ZMYM4: variants seen among roughly 807,000 people sequenced by gnomAD.
The protein encoded by ZMYM4 is zinc finger MYM-type containing 4.
In ZMYM4, 31 loss-of-function variants were observed where a neutral mutation model predicts 183.2. The ratio of observed to expected loss-of-function variants is 0.17; its 90% CI spans 0.13 to 0.23. The LOEUF is 0.23. Ranked by LOEUF, ZMYM4 falls within the 10% of genes least tolerant of loss-of-function variation. The probability of loss-of-function intolerance (pLI) is 1.00; values close to 1 mark genes in which losing one functional copy is unlikely to be tolerated. For missense variants in ZMYM4, 1,273 were observed against 1,840.3 expected (o/e 0.69, Z 5.64); for synonymous variants, 592 against 631.2 (o/e 0.94, Z 0.93).
chr1:35,325,022 G>T (rs1255801054), intron 1 of ZMYM4, among the ~76,000 whole-genome samples: 1 of 151,952 alleles, frequency 6.6e-6, no homozygotes, highest in African/African-American at 2.4e-5. Flanking sequence ...ATAGTTCTCG[G>T]TGTTAGTAAG....
At chr1:35,392,408 C>T in intron 16 of ZMYM4, 56 bp downstream of exon 16, 1 of 1,561,254 alleles carries the variant, frequency 6.4e-7, no homozygotes, top group Non-Finnish European at 8.7e-7. Flanking sequence ...TGCAGTGGTC[C>T]CCTAACTTCC....
At chr1:35,297,602 A>C (rs1341128921) in intron 1 of ZMYM4, among the ~76,000 whole-genome samples, 1 of 152,208 alleles carries the variant, frequency 6.6e-6, no homozygotes, top group Non-Finnish European at 1.5e-5. Flanking sequence ...GCAGAAGAGC[A>C]CTTAGAGAAT....
intron 25 of ZMYM4, 152 bp downstream of exon 25, chr1:35,405,620 A>C: frequency 1.6e-6 from 1 of 644,916 alleles, no homozygotes; most frequent in Non-Finnish European, 2.5e-6. Context: ...AGGTTGTTAT[A>C]AGGGTAAGGT....
At chr1:35,394,068 G>T (rs1644759716) in intron 18 of ZMYM4, among the ~76,000 whole-genome samples, 1 of 149,656 alleles carries the variant, frequency 6.7e-6, no homozygotes, top group African/African-American at 2.5e-5. Context: ...TTGTTTTCCA[G>T]TGTGACCTTA....
intron 1 of ZMYM4, among the ~76,000 whole-genome samples, chr1:35,274,738 G>T (rs1477482734): frequency 6.6e-6 from 1 of 151,016 alleles, no homozygotes; most frequent in Non-Finnish European, 1.5e-5. Context: ...GATAATACTT[G>T]GTATTATAAA....
chr1:35,332,542 C>T (rs748568913), intron 2 of ZMYM4, among the ~76,000 whole-genome samples: 7 of 151,732 alleles, frequency 4.6e-5, no homozygotes, highest in Non-Finnish European at 1.0e-4. Context: ...CCTAACAGGA[C>T]TCAAAGACTG....
At position 35,389,463 on chromosome 1, in the gene ZMYM4, G is replaced by A. The variant is rs1054208723; in HGVS notation, c.2436+381G>A. ...TACATGTGTTTTTTAAAAAAAATTA[G>A]TATAAAATCAGCTGGGCGCGGTGGC... is the stretch of plus-strand genomic sequence containing the variant. On this transcript the variant is annotated intron_variant, in intron 14 of 29. Transcript: ENST00000314607. This position sits in a 1 kb window ranked among gnomAD's most constrained non-coding sequence, Gnocchi z 4.0. Among the ~76,000 whole-genome samples the A allele has an allele frequency of 2.0e-5, 3 of 151,956 alleles. No individual in the cohort carries two copies. In the East Asian group the frequency reaches 5.8e-4, roughly 29 times the overall value.
intron 28 of ZMYM4, among the ~76,000 whole-genome samples, chr1:35,416,561 A>T (rs1324600644): frequency 4.0e-5 from 6 of 151,392 alleles, no homozygotes; most frequent in South Asian, 2.1e-4. Flanking sequence ...ATTGATTTTT[A>T]TTTATTTATT....
Position 35,268,979 on chromosome 1 carries a change from G to A in ZMYM4, c.-68G>A, listed in dbSNP as rs1639445365. On this transcript the variant is annotated 5_prime_UTR_variant, in exon 1 of 30. Transcript: ENST00000314607. ...CGGCCGTGCCTGCAGTGTGGGCGGG[G>A]GCCGGGGGGCCGAGAGGTACCGCCG... 9 of 1,480,808 alleles carry A rather than the reference G, an allele frequency of 6.1e-6. 1 individual carries two copies. The South Asian group carries it at 1.1e-4, about 18-fold the overall frequency. 91.7% of individuals were successfully genotyped at this position (1,480,808 alleles called of 1,614,324 possible).
chr1:35,277,405 A>G (rs12089267), intron 1 of ZMYM4, among the ~76,000 whole-genome samples: 9,557 of 152,242 alleles, frequency 0.063, 913 homozygotes, highest in East Asian at 0.44. Context: ...CAGAAGGAAT[A>G]GTTTAAACTG....
At chr1:35,351,000 T>C (rs916795249) in intron 2 of ZMYM4, 5 of 851,572 alleles carry the variant, frequency 5.9e-6, no homozygotes, top group African/African-American at 1.7e-5. Flanking sequence ...CCTGACAAAT[T>C]ATGCTGCAGC....
chr1:35,361,601 C>T lies in ZMYM4; in HGVS notation c.670-18C>T. On this transcript the variant is annotated intron_variant, in intron 4 of 29. Coordinates refer to ENST00000314607, the MANE Select transcript of ZMYM4 (RefSeq NM_005095.3). Reference sequence around the variant, plus strand: ...TTTAAAATCTGAATATTTATTAATCCTTTATATTGTGTTTTAGGATTCCAG... The same window carrying T: ...TTTAAAATCTGAATATTTATTAATCTTTTATATTGTGTTTTAGGATTCCAG... 6.2e-7 allele frequency: 1 copy of T among 1,601,636 alleles called. No homozygotes were observed. The highest frequency in any genetic ancestry group is 8.5e-7 in the Non-Finnish European group (1 of 1,176,654).
chr1:35,370,644 A>C lies in ZMYM4; in HGVS notation c.1181+17A>C. The C allele has an allele frequency of 3.2e-6, 5 of 1,563,230 alleles. No homozygotes were observed. Among genetic ancestry groups the C allele is most frequent in the Non-Finnish European group, 4.3e-6 (5 of 1,150,710 alleles). On this transcript the variant is annotated intron_variant, in intron 7 of 29. Coordinates refer to ENST00000314607, the MANE Select transcript of ZMYM4 (RefSeq NM_005095.3). ...TTGCTCAAAGTATAGCAGAATTCTAAATTATCTTTTTTGTTTCTTTCCTTT... is the reference window on the plus strand; with the variant it reads ...TTGCTCAAAGTATAGCAGAATTCTACATTATCTTTTTTGTTTCTTTCCTTT...
intron 2 of ZMYM4, among the ~76,000 whole-genome samples, chr1:35,349,852 T>C (rs1417692778): frequency 6.6e-6 from 1 of 151,362 alleles, no homozygotes; most frequent in African/African-American, 2.4e-5. Context: ...AAAAAAAGTT[T>C]CTGTGACTAA....
chr1:35,420,704 C>A lies in ZMYM4; in HGVS notation c.*1027C>A, dbSNP rs1422527126. The A allele has an allele frequency of 6.6e-6, 1 of 152,578 alleles. No individual in the cohort carries two copies. Among genetic ancestry groups the A allele is most frequent in the Non-Finnish European group, 1.5e-5 (1 of 68,038 alleles). 9.5% of individuals were successfully genotyped at this position (152,578 alleles called of 1,614,324 possible). On this transcript the variant is annotated 3_prime_UTR_variant, in exon 30 of 30. Transcript: ENST00000314607. ...TAGTCTCTTTTCTTACTCTGGCAAA[C>A]CTGTGAGTGATTCCACAAAGATACA...
chr1:35,271,552 A>G (rs1400566966), intron 1 of ZMYM4, among the ~76,000 whole-genome samples: 1 of 152,094 alleles, frequency 6.6e-6, no homozygotes. Context: ...ACAGGCAAGC[A>G]CCACCATGCC....
chr1:35,399,130 T>C, intron 22 of ZMYM4, 87 bp downstream of exon 22: 1 of 1,309,890 alleles, frequency 7.6e-7, no homozygotes, highest in Non-Finnish European at 1.1e-6. Flanking sequence ...GCAGTGCCAA[T>C]TGTTATTGAT....
chr1:35,381,454 A>T lies in ZMYM4; in HGVS notation c.1356+21A>T, dbSNP rs113026988. On this transcript the variant is annotated intron_variant, in intron 8 of 29. Transcript: ENST00000314607. ...CTGTTGTAAGTTACCATTTTCCTTT[A>T]TTGGGGCAGGAGTCTAATACGTTTG... is the stretch of plus-strand genomic sequence containing the variant. 4.0e-4 allele frequency: 639 copies of T among 1,604,090 alleles called. 3 individuals are homozygous for T. In the African/African-American group the frequency reaches 6.4e-3, roughly 16 times the overall value.
At chr1:35,371,037 T>C (rs1470778209) in intron 7 of ZMYM4, among the ~76,000 whole-genome samples, 2 of 151,852 alleles carry the variant, frequency 1.3e-5, no homozygotes, top group Non-Finnish European at 2.9e-5. Context: ...TTTAATACTT[T>C]TCTTCTTAAC....
Sources: gnomAD v4.1 joint callset for allele counts (sites outside exome capture counted in the v4.1 genomes callset) on GRCh38, gnomAD v4.1.1 for gene constraint, Gnocchi (gnomAD v3.1) non-coding constraint, MANE v1.5 for transcripts, NCBI Gene and HGNC (gene_info 2026-07-23, HGNC 2026-07-21) for gene names.